The following PRKG1 variants were observed in gnomAD, a reference collection of about 807,000 sequenced individuals.
PRKG1 encodes the protein protein kinase cGMP-dependent 1.
In PRKG1, 35 loss-of-function variants were observed where a neutral mutation model predicts 88.1. The ratio of observed to expected loss-of-function variants is 0.40; its 90% confidence interval spans 0.30 to 0.53. PRKG1 has a LOEUF of 0.53. PRKG1 is among the 20% of genes least tolerant of loss of function. The pLI is 0.59. For missense variants in PRKG1, 540 were observed against 839.8 expected, an observed-to-expected ratio of 0.64 and a Z score of 4.41; for synonymous variants, 303 against 292.5, an observed-to-expected ratio of 1.04 and a Z score of -0.37.
In PRKG1 at chr10:52,296,372, T is replaced by C. The variant is rs535030554; in HGVS notation, c.*2472T>C. 1 of 152,202 alleles carries C rather than the reference T, an allele frequency of 6.6e-6. No homozygotes were observed. The highest frequency in any genetic ancestry group is 2.4e-5 in the African/African-American group (1 of 41,574). 9.4% of individuals were successfully genotyped at this position (152,202 alleles called of 1,614,324 possible). ...ATCTTTGTTCATTTCACCCATAGCA[T>C]TGCATTTGATGTCTGAAGTAATTAC... On this transcript the variant is annotated 3_prime_UTR_variant, in exon 18 of 18. Transcript: ENST00000373980.
intron 2 of PRKG1, among the ~76,000 whole-genome samples, chr10:51,329,771 A>G (rs1841684013): frequency 6.6e-6 from 1 of 152,060 alleles, no homozygotes; most frequent in African/African-American, 2.4e-5. Context: ...TAAGTATGCC[A>G]TCCCACTCTC....
At chr10:51,835,785 T>A (rs1381594072) in intron 4 of PRKG1, among the ~76,000 whole-genome samples, 1 of 152,214 alleles carries the variant, frequency 6.6e-6, no homozygotes, top group Non-Finnish European at 1.5e-5. Context: ...ATGGTAGTTC[T>A]ATTTCAAATT....
At chr10:51,728,408 A>T (rs1842186844) in intron 3 of PRKG1, among the ~76,000 whole-genome samples, 1 of 150,326 alleles carries the variant, frequency 6.7e-6, no homozygotes, top group African/African-American at 2.4e-5. Flanking sequence ...ATCTTTAAAA[A>T]TGTGCTCTTT....
intron 2 of PRKG1, among the ~76,000 whole-genome samples, chr10:51,388,370 C>T (rs1837304752): frequency 6.6e-6 from 1 of 152,138 alleles, no homozygotes; most frequent in African/African-American, 2.4e-5. Flanking sequence ...TGCAAACCCC[C>T]TGAATTTAAG....
chr10:51,204,668 G>C (rs868132527), intron 2 of PRKG1, among the ~76,000 whole-genome samples: 2 of 152,108 alleles, frequency 1.3e-5, no homozygotes, highest in Non-Finnish European at 2.9e-5. Context: ...ATTAGAAATT[G>C]CCTCTCTAGC....
chr10:50,991,609 C>A lies in PRKG1; in HGVS notation c.231C>A (p.Leu77=). The change falls in exon 1 of 18, where the codon CTC becomes CTA. Residue 77 remains leucine (L), a synonymous_variant. Coordinates refer to the PRKG1 transcript ENST00000401604. The surrounding 1 kb of genome is among the most constrained non-coding windows in gnomAD (Gnocchi z 4.5). ...AGACGTACAGGTCCTTCCACGACCT[C>A]CGACAGGCATTCCGGAAGTTCACCA... 6.4e-7 allele frequency: 1 copy of A among 1,563,316 alleles called. No homozygotes were observed. The highest frequency in any genetic ancestry group is 8.6e-7 in the Non-Finnish European group (1 of 1,156,590).
intron 1 of PRKG1, among the ~76,000 whole-genome samples, chr10:51,009,985 T>C (rs1261474355): frequency 6.6e-6 from 1 of 152,212 alleles, no homozygotes; most frequent in Non-Finnish European, 1.5e-5. Flanking sequence ...AGATCTCAGG[T>C]ATAATTCAAA....
At position 51,643,847 on chromosome 10, in the gene PRKG1, A is replaced by T. The variant is rs1369633276; in HGVS notation, c.593-160738A>T. On this transcript the variant is annotated intron_variant, in intron 3 of 17. Coordinates refer to ENST00000373980, the MANE Select transcript of PRKG1 (RefSeq NM_006258.4). ...TAGAAACTTTCAAATGTACGCAAAA[A>T]TAAGCAAACAATCAATGAAACTTCC... Among the ~76,000 whole-genome samples, 4 of 152,212 alleles carry T rather than the reference A, an allele frequency of 2.6e-5. 1 individual carries two copies. Among genetic ancestry groups the T allele is most frequent in the Non-Finnish European group, 5.9e-5 (4 of 68,036 alleles).
intron 1 of PRKG1, among the ~76,000 whole-genome samples, chr10:51,123,262 G>A (rs1278103520): frequency 1.3e-5 from 2 of 152,050 alleles, no homozygotes; most frequent in Non-Finnish European, 2.9e-5. Flanking sequence ...AATTAACCTC[G>A]TTCTTTAAAA....
At chr10:52,015,251 C>T (rs1194721462) in intron 5 of PRKG1, among the ~76,000 whole-genome samples, 1 of 152,322 alleles carries the variant, frequency 6.6e-6, no homozygotes, top group Non-Finnish European at 1.5e-5. Flanking sequence ...GCTCCCAAAG[C>T]TAAACTTTTG....
At chr10:52,059,341 T>C (rs11000639) in intron 6 of PRKG1, among the ~76,000 whole-genome samples, 53,737 of 151,750 alleles carry the variant, frequency 0.35, 10,318 homozygotes, top group Non-Finnish European at 0.45. Context: ...AATGAAAATA[T>C]AGCTCACACA....
chr10:51,609,693 A>G (rs1013588215), intron 3 of PRKG1, among the ~76,000 whole-genome samples: 1 of 152,210 alleles, frequency 6.6e-6, no homozygotes, highest in Non-Finnish European at 1.5e-5. Flanking sequence ...TTGCAGGGAC[A>G]TGGTTGAAGA....
intron 9 of PRKG1, among the ~76,000 whole-genome samples, chr10:52,188,933 G>T (rs1839290982): frequency 6.6e-6 from 1 of 152,024 alleles, no homozygotes; most frequent in African/African-American, 2.4e-5. Context: ...CATGTACCAG[G>T]CACAGAGAAT....
At chr10:52,179,891 GT>G (rs1211013101) in intron 9 of PRKG1, among the ~76,000 whole-genome samples, 1 of 152,166 alleles carries the variant, frequency 6.6e-6, no homozygotes, top group Non-Finnish European at 1.5e-5. Context: ...TTTTCACTGT[GT>G]TGGCCAGGCT....
chr10:51,055,879 C>A (rs1440740249), intron 1 of PRKG1, among the ~76,000 whole-genome samples: 1 of 152,184 alleles, frequency 6.6e-6, no homozygotes, highest in Non-Finnish European at 1.5e-5. Flanking sequence ...TTATTCTAAG[C>A]CCCTGTGTCT....
intron 4 of PRKG1, among the ~76,000 whole-genome samples, chr10:51,839,750 T>C (rs184089723): frequency 2.2e-4 from 33 of 152,288 alleles, no homozygotes; most frequent in African/African-American, 7.5e-4. Flanking sequence ...GGTCGTTCTT[T>C]AGGTGAAGTA....
At chr10:51,111,464 T>C (rs557832180) in intron 1 of PRKG1, among the ~76,000 whole-genome samples, 1 of 152,050 alleles carries the variant, frequency 6.6e-6, no homozygotes, top group Non-Finnish European at 1.5e-5. Flanking sequence ...TTGGAGCTAT[T>C]TGTAGGATGC....
chr10:51,773,499 G>A (rs890937975), intron 3 of PRKG1, among the ~76,000 whole-genome samples: 6 of 151,998 alleles, frequency 3.9e-5, no homozygotes, highest in African/African-American at 1.4e-4. Flanking sequence ...AAAATTTTCT[G>A]TGTACCAGGC....
intron 1 of PRKG1, among the ~76,000 whole-genome samples, chr10:51,067,270 G>GTATATATATATATATATATATATATA (rs10612353): frequency 1.4e-5 from 2 of 146,616 alleles, no homozygotes; most frequent in African/African-American, 5.0e-5. Context: ...ATGTATGTGT[G>GTATATATATATATATATATATATATA]TATATATATA....
Sources: allele counts gnomAD v4.1 joint callset (sites outside exome capture counted in the v4.1 genomes callset), GRCh38; gene constraint gnomAD v4.1.1; non-coding constraint Gnocchi (gnomAD v3.1); transcripts MANE v1.5; gene names NCBI Gene and HGNC (gene_info 2026-07-23, HGNC 2026-07-21).